Variants in RAPGEF1 observed in about 807,000 individuals in gnomAD.
RAPGEF1 encodes the protein Rap guanine nucleotide exchange factor 1, also known as CRK SH3-binding GNRP.
A neutral mutation model predicts 143.3 loss-of-function variants in RAPGEF1; 33 were observed. The observed-to-expected ratio is 0.23, with a 90% confidence interval of 0.17 to 0.31. The LOEUF (loss-of-function observed/expected upper bound fraction) is 0.31. RAPGEF1 is among the 10% of genes least tolerant of loss of function. The pLI is 1.00. For synonymous variants in RAPGEF1, 629 were observed against 676.5 expected (o/e 0.93, Z 1.09); for missense variants, 1,199 against 1,645.4 (o/e 0.73, Z 4.69).
intron 18 of RAPGEF1, among the ~76,000 whole-genome samples, chr9:131,591,302 G>A (rs932592972): frequency 9.8e-5 from 15 of 152,326 alleles, no homozygotes; most frequent in Non-Finnish European, 1.3e-4. Context: ...GAGCGGGGGC[G>A]CGGGTGGACT....
chr9:131,715,283 C>G (rs779160726), intron 1 of RAPGEF1, among the ~76,000 whole-genome samples: 1 of 152,016 alleles, frequency 6.6e-6, no homozygotes, highest in African/African-American at 2.4e-5. Context: ...GGGTGGGGGA[C>G]GCATGTCTAG....
rs756243854 is a variant in RAPGEF1 at position 131,630,277 on chromosome 9, C to A, written c.699G>T (p.Thr233=). Residue 233 remains threonine (T), a synonymous_variant, in exon 6 of 27, where the codon ACG becomes ACT. Coordinates refer to ENST00000683357, the MANE Select transcript of RAPGEF1 (RefSeq NM_001377935.1). ...CAGGGGAACTGGGCTTCACGGGGCT[C>A]GTCGGAGACGGACGTCCCTGCTTCT... The part of the protein sequence containing the change: ...TIEKQGRPSP[T]SPVKPSSPAS... 6.2e-7 allele frequency: 1 copy of A among 1,613,618 alleles called. No homozygotes were observed. Among genetic ancestry groups the A allele is most frequent in the Non-Finnish European group, 8.5e-7 (1 of 1,179,846 alleles).
At chr9:131,699,116 A>T (rs987692172) in intron 1 of RAPGEF1, among the ~76,000 whole-genome samples, 3 of 151,988 alleles carry the variant, frequency 2.0e-5, no homozygotes, top group African/African-American at 2.4e-5. Context: ...CAATACCCTT[A>T]ACAACTACCA....
chr9:131,640,535 C>T (rs1027071782), intron 4 of RAPGEF1, among the ~76,000 whole-genome samples: 3 of 152,192 alleles, frequency 2.0e-5, no homozygotes, highest in African/African-American at 7.2e-5. Context: ...TAAAAAATGC[C>T]ATCTGAGGCC....
intron 5 of RAPGEF1, among the ~76,000 whole-genome samples, chr9:131,632,644 GT>G (rs1365829018): frequency 6.6e-6 from 1 of 152,160 alleles, no homozygotes; most frequent in East Asian, 1.9e-4. Flanking sequence ...TGACCATTAC[GT>G]TGTTATTAAA....
At chr9:131,646,420 T>C (rs780479452) in intron 3 of RAPGEF1, among the ~76,000 whole-genome samples, 1 of 152,232 alleles carries the variant, frequency 6.6e-6, no homozygotes, top group Non-Finnish European at 1.5e-5. Context: ...ACGAGTAAAC[T>C]AAGACCCCGA....
At chr9:131,639,701 TC>T (rs568873239) in intron 4 of RAPGEF1, among the ~76,000 whole-genome samples, 7 of 151,980 alleles carry the variant, frequency 4.6e-5, no homozygotes, top group Non-Finnish European at 1.0e-4. Context: ...TGCTGCAACC[TC>T]CTCTACTCCA....
In RAPGEF1 at chr9:131,615,768, T is replaced by G. The variant is rs147022373; in HGVS notation, c.2061+3283A>C. On this transcript the variant is annotated intron_variant, in intron 12 of 26. Transcript: ENST00000683357. ...GGAACATCTTGACTTGCTTTCCCTG[T>G]CCTTTAGCTCCTAAAAATCCCGACT... 2.8e-3 allele frequency among the ~76,000 whole-genome samples: 421 copies of G among 152,256 alleles called. 3 individuals carry two copies. The highest frequency in any genetic ancestry group is 9.7e-3 in the African/African-American group (404 of 41,546).
chr9:131,658,684 G>A (rs1158969070), intron 1 of RAPGEF1, among the ~76,000 whole-genome samples: 1 of 152,190 alleles, frequency 6.6e-6, no homozygotes, highest in Non-Finnish European at 1.5e-5. Context: ...CCGGAGGAGA[G>A]GATGTAGCCT....
chr9:131,588,291 G>A (rs765535240), intron 20 of RAPGEF1, among the ~76,000 whole-genome samples: 4 of 152,176 alleles, frequency 2.6e-5, no homozygotes, highest in Admixed American at 6.5e-5. Flanking sequence ...AGTTTCCCTC[G>A]TGAGCTCATG....
rs1960976112 is a variant in RAPGEF1 at position 131,621,425 on chromosome 9, C to T, written c.1905+371G>A. The stretch of plus-strand genomic sequence containing the variant: ...GGCTGTGCACAGACCATGTCCTGTG[C>T]TTTGATTGAGTCCCTCCTTTCTGGG... On this transcript the variant is annotated intron_variant, in intron 11 of 26. Transcript: ENST00000683357. The surrounding 1 kb of genome is among the most constrained non-coding windows in gnomAD (Gnocchi z 4.5). Among the ~76,000 whole-genome samples, 1 of 152,174 alleles carries T rather than the reference C, an allele frequency of 6.6e-6. No homozygotes were observed. The highest frequency in any genetic ancestry group is 1.5e-5 in the Non-Finnish European group (1 of 68,038).
chr9:131,677,589 C>T (rs1832524168), intron 1 of RAPGEF1, among the ~76,000 whole-genome samples: 1 of 152,172 alleles, frequency 6.6e-6, no homozygotes, highest in Non-Finnish European at 1.5e-5. Flanking sequence ...AGGATATATA[C>T]ACAGGAAATG....
intron 1 of RAPGEF1, among the ~76,000 whole-genome samples, chr9:131,666,240 C>T (rs988978011): frequency 6.6e-6 from 1 of 152,192 alleles, no homozygotes; most frequent in Non-Finnish European, 1.5e-5. Flanking sequence ...GCCTGGGTTA[C>T]TAGAACATCT....
At chr9:131,712,408 G>A (rs1195962011) in intron 1 of RAPGEF1, among the ~76,000 whole-genome samples, 1 of 152,212 alleles carries the variant, frequency 6.6e-6, no homozygotes, top group African/African-American at 2.4e-5. Flanking sequence ...ATTAACCAGA[G>A]TTTCTAATCC....
intron 12 of RAPGEF1, among the ~76,000 whole-genome samples, chr9:131,607,265 A>G (rs1458507763): frequency 2.0e-5 from 3 of 152,178 alleles, no homozygotes; most frequent in African/African-American, 7.2e-5. Flanking sequence ...TTCCCTTCAT[A>G]TCCTTCTTTC....
At chr9:131,645,578 T>C (rs1969349143) in intron 3 of RAPGEF1, among the ~76,000 whole-genome samples, 1 of 152,256 alleles carries the variant, frequency 6.6e-6, no homozygotes, top group Admixed American at 6.5e-5. Context: ...ATTAATGGCC[T>C]CTGGGTGTTG....
At chr9:131,625,724 G>C (rs1324000390) in intron 10 of RAPGEF1, among the ~76,000 whole-genome samples, 198 bp downstream of exon 10, 1 of 152,188 alleles carries the variant, frequency 6.6e-6, no homozygotes, top group Non-Finnish European at 1.5e-5. Flanking sequence ...GTAAAGGAGA[G>C]GTCAGCTGAT....
Position 131,621,299 on chromosome 9 carries a change from C to T in RAPGEF1, c.1905+497G>A, listed in dbSNP as rs1480656761. Among the ~76,000 whole-genome samples the T allele has an allele frequency of 6.6e-6, 1 of 152,204 alleles. No homozygotes were observed. Among genetic ancestry groups the T allele is most frequent in the Admixed American group, 6.5e-5 (1 of 15,290 alleles). On this transcript the variant is annotated intron_variant, in intron 11 of 26. Transcript: ENST00000683357. The surrounding 1 kb of genome is among the most constrained non-coding windows in gnomAD (Gnocchi z 4.5). ...AGTGGCTCTGTTTAAAGCCATCCTCCACTTCAATGGCACTTGTTTTCCTTG... is the reference window on the plus strand; with the variant it reads ...AGTGGCTCTGTTTAAAGCCATCCTCTACTTCAATGGCACTTGTTTTCCTTG...
intron 12 of RAPGEF1, among the ~76,000 whole-genome samples, chr9:131,608,092 A>C (rs1957398597): frequency 6.6e-6 from 1 of 152,210 alleles, no homozygotes; most frequent in Admixed American, 6.5e-5. Flanking sequence ...AAGTGACTGA[A>C]GTTCTTGAGC....
Sources: gnomAD v4.1 joint callset for allele counts (sites outside exome capture counted in the v4.1 genomes callset) on GRCh38, gnomAD v4.1.1 for gene constraint, Gnocchi (gnomAD v3.1) non-coding constraint, MANE v1.5 for transcripts, NCBI Gene and HGNC (gene_info 2026-07-23, HGNC 2026-07-21) for gene names.